Variants in PEPD observed in about 807,000 individuals in gnomAD.
The protein encoded by PEPD is xaa-Pro dipeptidase.
PEPD carries 53 observed loss-of-function variants against 60.7 expected under a neutral mutation model. The observed-to-expected ratio is 0.87, with a 90% CI of 0.70 to 1.10. The LOEUF is 1.10. PEPD is among the 50% of genes least tolerant of loss of function. PEPD has a pLI of 0.00. For synonymous variants in PEPD, 267 were observed against 284.1 expected, an observed-to-expected ratio of 0.94 and a Z score of 0.60; for missense variants, 711 against 711.9, an observed-to-expected ratio of 1.00 and a Z score of 0.01.
At chr19:33,458,368 T>C (rs1428819345) in intron 9 of PEPD, among the ~76,000 whole-genome samples, 1 of 150,324 alleles carries the variant, frequency 6.7e-6, no homozygotes, top group African/African-American at 2.5e-5. Context: ...AGACGTGTGG[T>C]ATGTAGGTGT....
intron 1 of PEPD, among the ~76,000 whole-genome samples, chr19:33,514,116 G>C (rs1441288367): frequency 6.6e-6 from 1 of 152,152 alleles, no homozygotes; most frequent in African/African-American, 2.4e-5. Context: ...CTGGAGGCCG[G>C]GTGTGGAGAG....
intron 5 of PEPD, among the ~76,000 whole-genome samples, chr19:33,491,641 A>G (rs958182583): frequency 1.3e-5 from 2 of 152,180 alleles, no homozygotes; most frequent in African/African-American, 4.8e-5. Context: ...TCCGGTTTCC[A>G]CTGCCTGGAA....
At chr19:33,484,140 T>C (rs1305830016) in intron 6 of PEPD, among the ~76,000 whole-genome samples, 1 of 152,174 alleles carries the variant, frequency 6.6e-6, no homozygotes, top group East Asian at 1.9e-4. Context: ...AAAGTCAACC[T>C]AAATGTTGTG....
chr19:33,498,237 C>T (rs1210964235), intron 4 of PEPD, among the ~76,000 whole-genome samples: 1 of 152,114 alleles, frequency 6.6e-6, no homozygotes, highest in Non-Finnish European at 1.5e-5. Context: ...GTGGCGTTGA[C>T]GGGGTGCGGT....
intron 11 of PEPD, among the ~76,000 whole-genome samples, chr19:33,406,167 C>T (rs531373216): frequency 9.8e-5 from 15 of 152,304 alleles, no homozygotes; most frequent in East Asian, 3.9e-4. Flanking sequence ...GAGAGTCACA[C>T]GCGCAGCACA....
intron 3 of PEPD, among the ~76,000 whole-genome samples, chr19:33,503,634 G>C (rs1970750869): frequency 6.6e-6 from 1 of 152,194 alleles, no homozygotes; most frequent in African/African-American, 2.4e-5. Context: ...AAAAGCAGGT[G>C]TCAGAAATAC....
chr19:33,513,013 C>T (rs1970958470), intron 1 of PEPD, among the ~76,000 whole-genome samples: 1 of 151,912 alleles, frequency 6.6e-6, no homozygotes, highest in South Asian at 2.1e-4. Context: ...CTCCACCCCC[C>T]TGCTCCTCTG....
intron 6 of PEPD, among the ~76,000 whole-genome samples, chr19:33,483,569 G>C (rs1213111613): frequency 6.6e-6 from 1 of 152,132 alleles, no homozygotes; most frequent in Non-Finnish European, 1.5e-5. Flanking sequence ...CAACAGTTTG[G>C]GAGGCCAAGG....
intron 13 of PEPD, chr19:33,388,422 C>T: frequency 2.0e-6 from 1 of 507,396 alleles, no homozygotes; most frequent in Admixed American, 3.2e-5. Flanking sequence ...GGCCCCGCTG[C>T]TGGCCAGAGG....
chr19:33,397,248 T>C (rs1968386950), intron 12 of PEPD, among the ~76,000 whole-genome samples: 1 of 152,140 alleles, frequency 6.6e-6, no homozygotes, highest in South Asian at 2.1e-4. Flanking sequence ...CCTGCATTCC[T>C]CAACCCCCCA....
chr19:33,438,052 G>A lies in PEPD; in HGVS notation c.672-24409C>T, dbSNP rs113322128. Reference sequence around the variant, plus strand: ...ACAGGAGCCGGTGCATGAGAGCCACGGGCAATTCTCCTGGGCTCCTGGAAG... The same window carrying A: ...ACAGGAGCCGGTGCATGAGAGCCACAGGCAATTCTCCTGGGCTCCTGGAAG... On this transcript the variant is annotated intron_variant, in intron 9 of 14. Transcript: ENST00000244137. Among the ~76,000 whole-genome samples, 17 of 152,310 alleles carry A rather than the reference G, an allele frequency of 1.1e-4. 4 individuals carry two copies. The highest frequency in any genetic ancestry group is 4.1e-4 in the African/African-American group (17 of 41,550).
intron 7 of PEPD, among the ~76,000 whole-genome samples, chr19:33,475,003 T>C (rs1970190367): frequency 6.7e-6 from 1 of 149,898 alleles, no homozygotes; most frequent in African/African-American, 2.5e-5. Flanking sequence ...AAAAAAGACA[T>C]GCCAGTCCTT....
intron 9 of PEPD, among the ~76,000 whole-genome samples, chr19:33,460,719 C>G (rs1350000209): frequency 6.6e-6 from 1 of 152,170 alleles, no homozygotes; most frequent in Non-Finnish European, 1.5e-5. Flanking sequence ...GCATGGGCAG[C>G]AGGTACACAC....
chr19:33,436,262 A>AAG (rs990207120), intron 9 of PEPD, among the ~76,000 whole-genome samples: 1 of 151,850 alleles, frequency 6.6e-6, no homozygotes, highest in African/African-American at 2.4e-5. Flanking sequence ...GAGCAGGAAG[A>AAG]AGAGGAGGAG....
intron 12 of PEPD, among the ~76,000 whole-genome samples, chr19:33,394,733 A>G (rs1164136207): frequency 6.6e-6 from 1 of 152,140 alleles, no homozygotes; most frequent in Non-Finnish European, 1.5e-5. Flanking sequence ...CAAGCTCTCT[A>G]GTCCAGGCTG....
chr19:33,396,174 ATGAC>A (rs1456982229), intron 12 of PEPD: 1 of 152,318 alleles, frequency 6.6e-6, no homozygotes, highest in African/African-American at 2.4e-5. Flanking sequence ...GAGGGTATCT[ATGAC>A]TGGGGTGGCA....
At chr19:33,499,126 CA>C (rs1226305445) in intron 4 of PEPD, among the ~76,000 whole-genome samples, 1 of 152,096 alleles carries the variant, frequency 6.6e-6, no homozygotes, top group Non-Finnish European at 1.5e-5. Context: ...TGGGAGCATG[CA>C]AATAAACGTT....
intron 6 of PEPD, among the ~76,000 whole-genome samples, chr19:33,488,166 T>C (rs994838837): frequency 1.3e-5 from 2 of 152,068 alleles, no homozygotes; most frequent in Non-Finnish European, 1.5e-5. Context: ...AAACTGGGAA[T>C]TGGTGATCCT....
At chr19:33,448,463 G>C (rs1325923702) in intron 9 of PEPD, among the ~76,000 whole-genome samples, 1 of 152,224 alleles carries the variant, frequency 6.6e-6, no homozygotes, top group Non-Finnish European at 1.5e-5. Flanking sequence ...ACCAGCTCCA[G>C]AGGCCTGGAG....
Sources: gnomAD v4.1 joint callset for allele counts (sites outside exome capture counted in the v4.1 genomes callset) on GRCh38, gnomAD v4.1.1 for gene constraint, MANE v1.5 for transcripts, NCBI Gene and HGNC (gene_info 2026-07-23, HGNC 2026-07-21) for gene names.